The following CADM2 variants were observed in gnomAD, a reference collection of about 807,000 sequenced individuals.
CADM2 encodes the protein immunoglobulin superfamily member 4D.
Under a neutral mutation model 49.8 loss-of-function variants are expected in CADM2, and 12 were observed. The observed-to-expected ratio is 0.24, with a 90% CI of 0.15 to 0.39. The LOEUF (loss-of-function observed/expected upper bound fraction) is 0.39, where lower values mean the gene tolerates loss of function less well. Among genes scored for constraint, CADM2 ranks in the 10% least tolerant of loss-of-function variants. CADM2 has a pLI of 1.00. For synonymous variants in CADM2, 214 were observed against 175.4 expected (o/e 1.22, Z -1.74); for missense variants, 378 against 492.3 (o/e 0.77, Z 2.20).
intron 1 of CADM2, among the ~76,000 whole-genome samples, chr3:85,667,971 A>G (rs2065621608): frequency 6.6e-6 from 1 of 152,078 alleles, no homozygotes; most frequent in Admixed American, 6.6e-5. Context: ...ATTTCTGTAT[A>G]TGTGAAGGCT....
At chr3:85,438,200 A>G (rs1373105869) in intron 1 of CADM2, among the ~76,000 whole-genome samples, 2 of 152,056 alleles carry the variant, frequency 1.3e-5, no homozygotes, top group Non-Finnish European at 2.9e-5. Flanking sequence ...TTTATTACCA[A>G]ATTCATACCA....
intron 1 of CADM2, among the ~76,000 whole-genome samples, chr3:85,624,048 A>G (rs2064050447): frequency 6.6e-6 from 1 of 152,146 alleles, no homozygotes; most frequent in Non-Finnish European, 1.5e-5. Context: ...AAAATAAAAT[A>G]TTCATATTTT....
intron 1 of CADM2, among the ~76,000 whole-genome samples, chr3:85,217,885 A>C (rs2107785638): frequency 6.6e-6 from 1 of 152,252 alleles, no homozygotes; most frequent in East Asian, 1.9e-4. Context: ...ATAAGAAATT[A>C]CACTTGCTTA....
intron 1 of CADM2, among the ~76,000 whole-genome samples, chr3:85,563,978 TC>T (rs2062177287): frequency 6.6e-6 from 1 of 152,162 alleles, no homozygotes; most frequent in Admixed American, 6.6e-5. Flanking sequence ...TTTAACAACA[TC>T]CTTTCCTGAA....
chr3:84,994,824 C>T (rs1023374594), intron 1 of CADM2, among the ~76,000 whole-genome samples: 2 of 151,962 alleles, frequency 1.3e-5, no homozygotes, highest in South Asian at 2.1e-4. Context: ...GTCAGGAGTT[C>T]GAGAGCAGCC....
chr3:85,298,114 C>T (rs2044011294), intron 1 of CADM2, among the ~76,000 whole-genome samples: 1 of 151,956 alleles, frequency 6.6e-6, no homozygotes, highest in Non-Finnish European at 1.5e-5. Context: ...GGATATATTT[C>T]CTCTCATATA....
chr3:85,208,490 A>G (rs1253210154), intron 1 of CADM2, among the ~76,000 whole-genome samples: 1 of 152,152 alleles, frequency 6.6e-6, no homozygotes, highest in Non-Finnish European at 1.5e-5. Context: ...GGAAAAATGC[A>G]TTTGCAGGGG....
chr3:85,098,230 TC>T (rs1266515137), intron 1 of CADM2, among the ~76,000 whole-genome samples: 5 of 151,434 alleles, frequency 3.3e-5, no homozygotes, highest in Non-Finnish European at 7.4e-5. Context: ...GATTCTTTAT[TC>T]TTACTTATCC....
chr3:85,247,075 C>T (rs924063280), intron 1 of CADM2, among the ~76,000 whole-genome samples: 11 of 151,812 alleles, frequency 7.2e-5, no homozygotes, highest in Non-Finnish European at 1.3e-4. Context: ...AAATTAGGAG[C>T]TTATTGTTAC....
intron 1 of CADM2, among the ~76,000 whole-genome samples, chr3:85,103,209 C>A (rs1032606812): frequency 1.3e-5 from 2 of 152,124 alleles, no homozygotes; most frequent in African/African-American, 4.8e-5. Context: ...CAGTAACCAA[C>A]AGATCAGAGG....
chr3:85,887,834 T>C (rs913014652), intron 5 of CADM2, among the ~76,000 whole-genome samples: 3 of 152,196 alleles, frequency 2.0e-5, no homozygotes, highest in East Asian at 1.9e-4. Flanking sequence ...GGATGTTCCA[T>C]AGTGCTTCCA....
chr3:85,873,330 C>A (rs956692358), intron 3 of CADM2, among the ~76,000 whole-genome samples: 1 of 152,082 alleles, frequency 6.6e-6, no homozygotes, highest in Non-Finnish European at 1.5e-5. Flanking sequence ...AAAAATAAAT[C>A]ATTTAAAGAA....
At chr3:85,541,773 T>TATATA (rs1553739263) in intron 1 of CADM2, among the ~76,000 whole-genome samples, 4 of 6,164 alleles carry the variant, frequency 6.5e-4, no homozygotes, top group Admixed American at 3.0e-3. Context: ...ATATTTTATA[T>TATATA]TTTATATATA....
At chr3:85,321,035 A>C (rs2044584739) in intron 1 of CADM2, among the ~76,000 whole-genome samples, 1 of 145,620 alleles carries the variant, frequency 6.9e-6, no homozygotes, top group South Asian at 2.2e-4. Flanking sequence ...GTGAAAGAAT[A>C]ATTAGATTAA....
At chr3:85,337,299 A>C in intron 1 of CADM2, among the ~76,000 whole-genome samples, 1 of 151,080 alleles carries the variant, frequency 6.6e-6, no homozygotes, top group East Asian at 1.9e-4. Flanking sequence ...TAATTTAAAT[A>C]GAATTTTAAT....
intron 1 of CADM2, among the ~76,000 whole-genome samples, chr3:85,241,721 G>T (rs924242796): frequency 6.6e-6 from 1 of 151,420 alleles, no homozygotes; most frequent in Admixed American, 6.6e-5. Context: ...TCATTCATAT[G>T]TATATGTATA....
At chr3:85,826,764 A>G (rs897251377) in intron 3 of CADM2, among the ~76,000 whole-genome samples, 1 of 152,008 alleles carries the variant, frequency 6.6e-6, no homozygotes, top group Admixed American at 6.6e-5. Context: ...TTTCCTAATG[A>G]AAAAGACTAT....
intron 1 of CADM2, among the ~76,000 whole-genome samples, chr3:85,177,490 A>G (rs922284424): frequency 2.0e-5 from 3 of 152,060 alleles, no homozygotes; most frequent in Non-Finnish European, 2.9e-5. Context: ...AATTAAAATG[A>G]TCATATAATA....
At chr3:85,190,497 A>G (rs534682949) in intron 1 of CADM2, among the ~76,000 whole-genome samples, 3 of 152,252 alleles carry the variant, frequency 2.0e-5, no homozygotes, top group Admixed American at 6.5e-5. Context: ...ATGAAACTCT[A>G]TGGCTGTGTT....
Sources: allele counts gnomAD v4.1 joint callset (sites outside exome capture counted in the v4.1 genomes callset), GRCh38; gene constraint gnomAD v4.1.1; transcripts MANE v1.5; gene names NCBI Gene and HGNC (gene_info 2026-07-23, HGNC 2026-07-21).